A1CF: variants seen among roughly 807,000 people sequenced by gnomAD.
A1CF encodes APOBEC1 complementation factor, also known as APOBEC-1 stimulating protein.
Under a neutral mutation model 68.9 loss-of-function variants are expected in A1CF, and 48 were observed. That is an observed-to-expected ratio of 0.70 (90% CI 0.55 to 0.89). A1CF has a LOEUF of 0.89. Ranked by LOEUF, A1CF falls within the 40% of genes least tolerant of loss-of-function variation. A1CF has a pLI of 0.00. For synonymous variants in A1CF, 272 were observed against 260.4 expected, an observed-to-expected ratio of 1.04 and a Z score of -0.43; for missense variants, 653 against 718.9, an observed-to-expected ratio of 0.91 and a Z score of 1.05.
intron 7 of A1CF, chr10:50,824,339 G>C (rs932567623): frequency 2.6e-5 from 4 of 152,186 alleles, no homozygotes; most frequent in Non-Finnish European, 5.9e-5. Context: ...CCTTTTAGTA[G>C]TTTCTCATTC....
chr10:50,852,179 G>A (rs534443950), intron 3 of A1CF, among the ~76,000 whole-genome samples: 84 of 152,324 alleles, frequency 5.5e-4, no homozygotes, highest in Non-Finnish European at 1.1e-3. Context: ...TTAAGGGAAA[G>A]CACTACCTTG....
Position 50,811,969 on chromosome 10 carries a change from T to C in A1CF, c.1324-793A>G, listed in dbSNP as rs116138412. Among the ~76,000 whole-genome samples the C allele has an allele frequency of 9.6e-3, 1,467 of 152,368 alleles. 16 individuals carry two copies. Among genetic ancestry groups the C allele is most frequent in the African/African-American group, 0.031 (1,302 of 41,588 alleles). ...GCATAAGCCTGAGAAAATAACTCTG[T>C]AAGACAGAACAATGTCTCAGGATGT... is the stretch of plus-strand genomic sequence containing the variant. On this transcript the variant is annotated intron_variant, in intron 10 of 12. Coordinates refer to ENST00000373997, the MANE Select transcript of A1CF (RefSeq NM_014576.4).
chr10:50,858,805 C>G (rs1210385256), intron 3 of A1CF, among the ~76,000 whole-genome samples: 1 of 151,960 alleles, frequency 6.6e-6, no homozygotes, highest in Non-Finnish European at 1.5e-5. Context: ...ACTAATATGT[C>G]AGTATCTCCA....
rs142245377 is a variant in A1CF at position 50,819,494 on chromosome 10, T to A, written c.867+1058A>T. ...GATTTCTATTAATTCTCCAGCCCCT[T>A]GTACCTTTGACTCCAGAATGCTGTG... On this transcript the variant is annotated intron_variant, in intron 8 of 12. Transcript: ENST00000373997. 6.9e-3 allele frequency among the ~76,000 whole-genome samples: 1,058 copies of A among 152,268 alleles called. 19 individuals are homozygous for A. The highest frequency in any genetic ancestry group is 0.024 in the African/African-American group (1,005 of 41,558).
chr10:50,820,204 A>C (rs1190140456), intron 8 of A1CF, among the ~76,000 whole-genome samples: 1 of 152,204 alleles, frequency 6.6e-6, no homozygotes, highest in East Asian at 1.9e-4. Context: ...CAGCTTCTAA[A>C]ATACTGCACT....
chr10:50,868,343 T>C (rs535726501), intron 1 of A1CF, among the ~76,000 whole-genome samples: 1 of 152,294 alleles, frequency 6.6e-6, no homozygotes, highest in Non-Finnish European at 1.5e-5. Flanking sequence ...GATACAAAGC[T>C]CTAATATCCA....
intron 3 of A1CF, among the ~76,000 whole-genome samples, 171 bp downstream of exon 3, chr10:50,859,671 T>C (rs556848570): frequency 6.6e-6 from 1 of 152,214 alleles, no homozygotes; most frequent in African/African-American, 2.4e-5. Context: ...AAGGTTACAT[T>C]CAGTGTCATC....
At chr10:50,808,193 G>A (rs1837925858) in intron 12 of A1CF, among the ~76,000 whole-genome samples, 1 of 152,138 alleles carries the variant, frequency 6.6e-6, no homozygotes, top group African/African-American at 2.4e-5. Context: ...AAGTGCCAGG[G>A]TGTTTGGGTT....
At chr10:50,867,538 ATGAAG>A (rs1841049882) in intron 1 of A1CF, among the ~76,000 whole-genome samples, 1 of 152,148 alleles carries the variant, frequency 6.6e-6, no homozygotes, top group Non-Finnish European at 1.5e-5. Flanking sequence ...TGGAAGGGTA[ATGAAG>A]TGAAAAGGTG....
At chr10:50,828,620 G>A (rs1057326006) in intron 6 of A1CF, among the ~76,000 whole-genome samples, 1 of 152,072 alleles carries the variant, frequency 6.6e-6, no homozygotes, top group African/African-American at 2.4e-5. Context: ...GTCACTTAAG[G>A]TAAGATAGCA....
intron 1 of A1CF, among the ~76,000 whole-genome samples, chr10:50,864,531 TCAGA>T (rs770418013): frequency 1.0e-3 from 141 of 138,538 alleles, no homozygotes; most frequent in Non-Finnish European, 1.5e-3. Context: ...TCTTGTCCTC[TCAGA>T]CACTGTGTTT....
chr10:50,837,560 GAAC>G (rs1839562221), intron 5 of A1CF, among the ~76,000 whole-genome samples: 1 of 152,228 alleles, frequency 6.6e-6, no homozygotes, highest in African/African-American at 2.4e-5. Flanking sequence ...TCACGGTAAA[GAAC>G]TGGTTTAATG....
At chr10:50,867,250 G>A (rs1204681842) in intron 1 of A1CF, among the ~76,000 whole-genome samples, 5 of 151,870 alleles carry the variant, frequency 3.3e-5, no homozygotes, top group Non-Finnish European at 7.4e-5. Flanking sequence ...ATTCATAATG[G>A]CAAAGATATG....
intron 6 of A1CF, 23 bp downstream of exon 6, chr10:50,836,051 T>C: frequency 6.4e-7 from 1 of 1,569,830 alleles, no homozygotes; most frequent in Non-Finnish European, 8.6e-7. Flanking sequence ...AGAAGTCTCA[T>C]CTTTGAGGAG....
intron 11 of A1CF, among the ~76,000 whole-genome samples, chr10:50,810,430 A>G (rs1322624086): frequency 1.3e-5 from 2 of 152,196 alleles, no homozygotes; most frequent in Non-Finnish European, 2.9e-5. Flanking sequence ...TTATGTATAA[A>G]ATGGTAGTTT....
intron 1 of A1CF, among the ~76,000 whole-genome samples, chr10:50,875,016 A>G (rs1454451584): frequency 1.3e-5 from 2 of 152,206 alleles, no homozygotes; most frequent in Non-Finnish European, 2.9e-5. Flanking sequence ...AGAACAGCTG[A>G]CTGAAGCTCT....
chr10:50,872,946 CTTTTTTTTTTTTTTT>C lies in A1CF; in HGVS notation c.-93-8881_-93-8867del, dbSNP rs34770362. Among the ~76,000 whole-genome samples the C allele has an allele frequency of 7.9e-4, 53 of 67,306 alleles. 1 individual carries two copies. Among genetic ancestry groups the C allele is most frequent in the African/African-American group, 2.4e-3 (42 of 17,828 alleles). The allele number at this position is 67,306 out of a possible 152,430, so 44.2% of individuals were successfully genotyped here. A position where few individuals can be genotyped will look rare whatever the true frequency, so the allele number is the denominator to read the frequency against. On this transcript the variant is annotated intron_variant, in intron 1 of 12. Coordinates refer to ENST00000373997, the MANE Select transcript of A1CF (RefSeq NM_014576.4). ...TACTTTTATTCTTATATTTAAGTTC[CTTTTTTTTTTTTTTT>C]TTTTTTTTTTTTGAGACAGAATCTC...
chr10:50,802,749 C>T lies in A1CF; in HGVS notation c.*3980G>A, dbSNP rs531425767. 6.6e-6 allele frequency: 1 copy of T among 152,244 alleles called. No individual in the cohort carries two copies. Among genetic ancestry groups the T allele is most frequent in the Non-Finnish European group, 1.5e-5 (1 of 68,018 alleles). 9.4% of individuals were successfully genotyped at this position (152,244 alleles called of 1,614,324 possible). ...TAGGTTAGAATGCAATGAAAATTTA[C>T]CCCGAATATTAACTTGATTGCCCTT... On this transcript the variant is annotated 3_prime_UTR_variant, in exon 13 of 13. Coordinates refer to ENST00000373997, the MANE Select transcript of A1CF (RefSeq NM_014576.4).
At position 50,885,627 on chromosome 10, in the gene A1CF, T is replaced by C. The variant is rs560501548; in HGVS notation, c.-140A>G. ...CACCCGGAAAAGGTTTCCTTGATTA[T>C]GGCGAATTCAACGTGTCACTCGGGT... On this transcript the variant is annotated 5_prime_UTR_variant, in exon 1 of 13. Coordinates refer to ENST00000373997, the MANE Select transcript of A1CF (RefSeq NM_014576.4). 1 of 152,346 alleles carries C rather than the reference T, an allele frequency of 6.6e-6. No homozygotes were observed. The highest frequency in any genetic ancestry group is 2.1e-4 in the South Asian group (1 of 4,832). 9.4% of individuals were successfully genotyped at this position (152,346 alleles called of 1,614,324 possible).
Sources: gnomAD v4.1 joint callset for allele counts (sites outside exome capture counted in the v4.1 genomes callset) on GRCh38, gnomAD v4.1.1 for gene constraint, MANE v1.5 for transcripts, NCBI Gene and HGNC (gene_info 2026-07-23, HGNC 2026-07-21) for gene names.